The following MAPK14 variants were observed in gnomAD, a reference collection of about 807,000 sequenced individuals.
MAPK14 encodes the protein mitogen-activated protein kinase 14.
A neutral mutation model predicts 49.6 loss-of-function variants in MAPK14; 16 were observed. The observed-to-expected ratio is 0.32, with a 90% CI of 0.22 to 0.49. MAPK14 has a LOEUF of 0.49. Among genes scored for constraint, MAPK14 ranks in the 20% least tolerant of loss-of-function variants. MAPK14 has a pLI of 0.99. For synonymous variants in MAPK14, 142 were observed against 158.0 expected (o/e 0.90, Z 0.76); for missense variants, 200 against 441.2 (o/e 0.45, Z 4.90).
Position 36,028,259 on chromosome 6 carries a change from C to T in MAPK14, c.102C>T (p.Ala34=), listed in dbSNP as rs1385196555. 7 of 1,613,020 alleles carry T rather than the reference C, an allele frequency of 4.3e-6. No individual in the cohort carries two copies. Among genetic ancestry groups the T allele is most frequent in the Non-Finnish European group, 5.9e-6 (7 of 1,179,332 alleles). Residue 34 remains alanine, a synonymous_variant, in exon 1 of 12, where the codon GCC becomes GCT. Transcript: ENST00000229794. This position sits in a 1 kb window ranked among gnomAD's most constrained non-coding sequence, Gnocchi z 5.1. ...YQNLSPVGSG[A]YGSVCAAFDT... ...ACCTGTCTCCAGTGGGCTCTGGCGC[C>T]TATGGCTCTGTGTGGTGAGTGTCGC...
In MAPK14 at chr6:36,028,768, C is replaced by T. The variant is rs1341205166; in HGVS notation, c.116+495C>T. The stretch of plus-strand genomic sequence containing the variant: ...CTGCGGTCATCTGAACAAAACTGAC[C>T]AGGAAGGGAGCTCTCTCCGGGCCTT... On this transcript the variant is annotated intron_variant, in intron 1 of 11. Coordinates refer to ENST00000229794, the MANE Select transcript of MAPK14 (RefSeq NM_139012.3). This position sits in a 1 kb window ranked among gnomAD's most constrained non-coding sequence, Gnocchi z 5.1. Among the ~76,000 whole-genome samples the T allele has an allele frequency of 6.7e-6, 1 of 148,488 alleles. No homozygotes were observed. The highest frequency in any genetic ancestry group is 2.0e-4 in the East Asian group (1 of 5,024).
intron 6 of MAPK14, 109 bp from the exon 7 acceptor site, chr6:36,075,739 C>A: frequency 2.8e-6 from 4 of 1,449,842 alleles, no homozygotes; most frequent in Non-Finnish European, 3.8e-6. Flanking sequence ...CTATTTTGTT[C>A]TCCTTTTTAA....
intron 4 of MAPK14, 135 bp from the exon 5 acceptor site, chr6:36,073,556 A>G: frequency 1.5e-6 from 1 of 673,126 alleles, no homozygotes; most frequent in Admixed American, 2.7e-5. Context: ...CAATACTGAT[A>G]GTTACTTATG....
intron 5 of MAPK14, 98 bp from the exon 6 acceptor site, chr6:36,073,951 T>C (rs992331261): frequency 6.1e-6 from 6 of 985,178 alleles, no homozygotes; most frequent in Non-Finnish European, 9.7e-6. Context: ...GATAGCTGGA[T>C]GAAGTCTTTT....
downstream of MAPK14, among the ~76,000 whole-genome samples, chr6:36,113,174 G>T (rs910392470): frequency 6.6e-6 from 1 of 151,742 alleles, no homozygotes; most frequent in African/African-American, 2.4e-5. Flanking sequence ...AACATAGCTG[G>T]GGACTCTTGA....
At chr6:36,044,313 C>T (rs1027861034) in intron 1 of MAPK14, among the ~76,000 whole-genome samples, 1 of 152,174 alleles carries the variant, frequency 6.6e-6, no homozygotes, top group Non-Finnish European at 1.5e-5. Flanking sequence ...CAAAGACTTG[C>T]TGAGTGATTA....
chr6:36,039,581 T>C (rs1186525995), intron 1 of MAPK14, among the ~76,000 whole-genome samples: 2 of 152,090 alleles, frequency 1.3e-5, no homozygotes, highest in East Asian at 1.9e-4. Context: ...AATCTGAGCA[T>C]GTGAAGAAAA....
chr6:36,028,416 C>T lies in MAPK14; in HGVS notation c.116+143C>T, dbSNP rs911127675. 3.5e-5 allele frequency: 22 copies of T among 620,352 alleles called. No homozygotes were observed. The South Asian group carries it at 4.2e-4, about 12-fold the overall frequency. The allele number at this position is 620,352 out of a possible 1,614,324, so 38.4% of individuals were successfully genotyped here. A position where few individuals can be genotyped will look rare whatever the true frequency, so the allele number is the denominator to read the frequency against. The stretch of plus-strand genomic sequence containing the variant: ...CATTGCTGCCCCTTCGAGCTCTGCC[C>T]GTTCTGCACCTCCAGCACCCCTCGC... On this transcript the variant is annotated intron_variant, in intron 1 of 11. Transcript: ENST00000229794. This position sits in a 1 kb window ranked among gnomAD's most constrained non-coding sequence, Gnocchi z 5.1.
At chr6:36,089,865 ACT>A (rs1237136963) in intron 8 of MAPK14, among the ~76,000 whole-genome samples, 1 of 152,222 alleles carries the variant, frequency 6.6e-6, no homozygotes, top group Admixed American at 6.5e-5. Flanking sequence ...AACGCTTAAC[ACT>A]CTGCAGCTTA....
intron 1 of MAPK14, among the ~76,000 whole-genome samples, chr6:36,035,350 T>C (rs1762702060): frequency 1.3e-5 from 2 of 152,256 alleles, no homozygotes; most frequent in Non-Finnish European, 2.9e-5. Context: ...ACCATGCCCA[T>C]AGGCAGACTT....
chr6:36,069,676 G>T (rs1764194456), intron 3 of MAPK14, among the ~76,000 whole-genome samples: 1 of 152,074 alleles, frequency 6.6e-6, no homozygotes, highest in Non-Finnish European at 1.5e-5. Context: ...AAATTACATA[G>T]TGGTAAACTG....
intron 2 of MAPK14, among the ~76,000 whole-genome samples, chr6:36,058,129 G>A (rs1036767076): frequency 6.6e-5 from 10 of 151,694 alleles, no homozygotes; most frequent in African/African-American, 2.4e-4. Flanking sequence ...TGTAAAAATA[G>A]ACTTTTTTTT....
chr6:36,076,135 T>G (rs1764523131), intron 7 of MAPK14, among the ~76,000 whole-genome samples, 173 bp downstream of exon 7: 1 of 152,220 alleles, frequency 6.6e-6, no homozygotes, highest in African/African-American at 2.4e-5. Flanking sequence ...AAGTGGGGTT[T>G]TATACACAGC....
chr6:36,074,773 A>G (rs1328578756), intron 6 of MAPK14, among the ~76,000 whole-genome samples: 1 of 151,426 alleles, frequency 6.6e-6, no homozygotes, highest in Non-Finnish European at 1.5e-5. Flanking sequence ...ACGCCATCAC[A>G]CCCGGCTAAT....
intron 1 of MAPK14, among the ~76,000 whole-genome samples, chr6:36,052,222 T>A (rs1279270682): frequency 6.6e-6 from 1 of 152,184 alleles, no homozygotes; most frequent in East Asian, 1.9e-4. Flanking sequence ...AGGCAGCAGA[T>A]GTGGCAAGGT....
intron 1 of MAPK14, among the ~76,000 whole-genome samples, chr6:36,040,252 T>C (rs960730799): frequency 2.0e-5 from 3 of 152,190 alleles, no homozygotes; most frequent in African/African-American, 7.2e-5. Context: ...ACTCACTGTA[T>C]ACTAATAGCA....
chr6:36,038,689 C>T (rs1762842225), intron 1 of MAPK14, among the ~76,000 whole-genome samples: 1 of 152,116 alleles, frequency 6.6e-6, no homozygotes, highest in African/African-American at 2.4e-5. Context: ...CCCAGAGTGC[C>T]AGAGCCAGTA....
chr6:36,092,244 A>G, intron 8 of MAPK14: 1 of 566,752 alleles, frequency 1.8e-6, no homozygotes. Context: ...AGTTTGACAA[A>G]CCTGGGTCCA....
In MAPK14 at chr6:36,028,080, C is replaced by T. The variant is rs1334271789; in HGVS notation, c.-78C>T. 4.3e-6 allele frequency: 4 copies of T among 930,836 alleles called. No homozygotes were observed. The highest frequency in any genetic ancestry group is 2.8e-4 in the Middle Eastern group (1 of 3,544). 57.7% of individuals were successfully genotyped at this position (930,836 alleles called of 1,614,324 possible). A position where few individuals can be genotyped will look rare whatever the true frequency, so the allele number is the denominator to read the frequency against. On this transcript the variant is annotated 5_prime_UTR_variant, in exon 1 of 12. Coordinates refer to ENST00000229794, the MANE Select transcript of MAPK14 (RefSeq NM_139012.3). The surrounding 1 kb of genome is among the most constrained non-coding windows in gnomAD (Gnocchi z 5.1). ...GGTCCCCGCCCGGCTGGGCGGGCAG[C>T]AAGGGCCGGGGAGAGGGTGCGGGTG...
Sources: allele counts gnomAD v4.1 joint callset (sites outside exome capture counted in the v4.1 genomes callset), GRCh38; gene constraint gnomAD v4.1.1; non-coding constraint Gnocchi (gnomAD v3.1); transcripts MANE v1.5; gene names NCBI Gene and HGNC (gene_info 2026-07-23, HGNC 2026-07-21).